The following RAB37 variants were observed in gnomAD, a reference collection of about 807,000 sequenced individuals.
RAB37 encodes the protein ras-related protein Rab-37.
A neutral mutation model predicts 33.1 loss-of-function variants in RAB37; 29 were observed. That is an observed-to-expected ratio of 0.88 (90% CI 0.65 to 1.20). The LOEUF is 1.20. Among genes scored for constraint, RAB37 ranks in the 50% most tolerant of loss-of-function variants. The pLI, the probability that RAB37 is intolerant of heterozygous loss-of-function variation, is 0.00. For synonymous variants in RAB37, 128 were observed against 119.5 expected (o/e 1.07, Z -0.47); for missense variants, 299 against 301.1 (o/e 0.99, Z 0.05).
chr17:74,742,376 G>A lies in RAB37; in HGVS notation c.246+81G>A. 1 of 1,152,208 alleles carries A rather than the reference G, an allele frequency of 8.7e-7. No homozygotes were observed. Among genetic ancestry groups the A allele is most frequent in the Non-Finnish European group, 1.3e-6 (1 of 795,258 alleles). The allele number at this position is 1,152,208 out of a possible 1,614,324, so 71.4% of individuals were successfully genotyped here. The stretch of plus-strand genomic sequence containing the variant: ...CACCCTGAACCACAGGAGGCCTGCA[G>A]CCCTGCCCTCCGCCTGGGGCAATTT... On this transcript the variant is annotated intron_variant, in intron 3 of 8. Transcript: ENST00000392613. This position sits in a 1 kb window ranked among gnomAD's most constrained non-coding sequence, Gnocchi z 4.0.
upstream of RAB37, among the ~76,000 whole-genome samples, chr17:74,735,017 G>GGAAGAAA: frequency 1.1e-5 from 1 of 93,796 alleles, no homozygotes; most frequent in Non-Finnish European, 2.2e-5. Context: ...AAGGAAGGAA[G>GGAAGAAA]GAAGAAAGAA....
chr17:74,687,781 G>A (rs559917959), intron 1 of RAB37, among the ~76,000 whole-genome samples: 1 of 152,118 alleles, frequency 6.6e-6, no homozygotes, highest in South Asian at 2.1e-4. Context: ...GATGGAGCGG[G>A]TCCATGCCTG....
chr17:74,695,333 G>C, intron 1 of RAB37: 1 of 1,533,602 alleles, frequency 6.5e-7, no homozygotes, highest in Non-Finnish European at 8.9e-7. Context: ...GAGGAGGATA[G>C]TGGGGATGGA....
Position 74,683,205 on chromosome 17 carries a change from T to C in RAB37, c.72+11547T>C, listed in dbSNP as rs76420704. On this transcript the variant is annotated intron_variant, in intron 1 of 7. Transcript: ENST00000340415. Reference sequence around the variant, plus strand: ...GTCACCCTATGAAGCGATAGGCTTATTGGGGCTGCAGAGCCAGACCTCCCT... The same window carrying C: ...GTCACCCTATGAAGCGATAGGCTTACTGGGGCTGCAGAGCCAGACCTCCCT... Among the ~76,000 whole-genome samples, 1,103 of 152,326 alleles carry C rather than the reference T, an allele frequency of 7.2e-3. 35 individuals carry two copies. Among genetic ancestry groups the C allele is most frequent in the Admixed American group, 0.058 (890 of 15,300 alleles).
intron 1 of RAB37, among the ~76,000 whole-genome samples, chr17:74,681,135 G>A (rs1242270229): frequency 6.6e-6 from 1 of 152,254 alleles, no homozygotes; most frequent in African/African-American, 2.4e-5. Context: ...GATGGCTCAG[G>A]CCACATCTGA....
chr17:74,689,456 AAAAG>A (rs1030983649), intron 1 of RAB37, among the ~76,000 whole-genome samples: 1 of 152,120 alleles, frequency 6.6e-6, no homozygotes, highest in Non-Finnish European at 1.5e-5. Context: ...AAAAAAAGAA[AAAAG>A]AAAGAAAGAA....
At chr17:74,734,997 AAG>A (rs2034447661), upstream of RAB37, among the ~76,000 whole-genome samples, 1 of 110,440 alleles carries the variant, frequency 9.1e-6, no homozygotes, top group Non-Finnish European at 1.8e-5. Context: ...GAAAGGAAGA[AAG>A]AAAAAGAAAG....
chr17:74,733,616 TGTGA>T (rs2034425470), upstream of RAB37, among the ~76,000 whole-genome samples: 1 of 10,948 alleles, frequency 9.1e-5, no homozygotes, highest in Admixed American at 1.2e-3. Context: ...GGTGCACACG[TGTGA>T]GTGTCTGTGG....
chr17:74,683,044 A>G (rs1230776849), intron 1 of RAB37, among the ~76,000 whole-genome samples: 1 of 152,234 alleles, frequency 6.6e-6, no homozygotes, highest in African/African-American at 2.4e-5. Context: ...TTTAATGAGA[A>G]GTGCCTGAAA....
In RAB37 at chr17:74,692,649, A is replaced by G. The variant is rs148758224; in HGVS notation, c.72+20991A>G. ...CCCAGCCCCTCCCTACAATCCCCCC[A>G]TCCAACAAAAATCAACCTAGATGAA... On this transcript the variant is annotated intron_variant, in intron 1 of 7. Transcript: ENST00000340415. Among the ~76,000 whole-genome samples, 636 of 151,618 alleles carry G rather than the reference A, an allele frequency of 4.2e-3. 7 individuals carry two copies. Among genetic ancestry groups the G allele is most frequent in the East Asian group, 0.018 (95 of 5,142 alleles).
chr17:74,704,743 C>G, intron 1 of RAB37: 1 of 1,614,206 alleles, frequency 6.2e-7, no homozygotes, highest in Non-Finnish European at 8.5e-7. Flanking sequence ...TGTAAACACA[C>G]TGCACGGTCA....
At chr17:74,735,025 GAAAGAAAGAAAGAAAGA>G (rs1567812436), upstream of RAB37, among the ~76,000 whole-genome samples, 1 of 75,298 alleles carries the variant, frequency 1.3e-5, no homozygotes, top group Admixed American at 1.7e-4. Context: ...AAGGAAGAAA[GAAAGAAAGAAAGAAAGA>G]AAGAAAGAAA....
intron 2 of RAB37, among the ~76,000 whole-genome samples, chr17:74,741,153 C>T (rs1402123853): frequency 2.0e-5 from 3 of 152,058 alleles, no homozygotes; most frequent in Non-Finnish European, 2.9e-5. Context: ...GCAGAGCAGC[C>T]GCAGGCACGG....
intron 1 of RAB37, chr17:74,712,745 C>A (rs373467251): frequency 2.7e-6 from 4 of 1,466,522 alleles, no homozygotes; most frequent in African/African-American, 1.4e-5. Flanking sequence ...ACCTTCTGGC[C>A]GGGTCCCTTC....
chr17:74,691,097 TAGCAATCCTCA>T (rs2032149654), intron 1 of RAB37, among the ~76,000 whole-genome samples: 1 of 151,958 alleles, frequency 6.6e-6, no homozygotes, highest in African/African-American at 2.4e-5. Flanking sequence ...TTTGTAGAGA[TAGCAATCCTCA>T]AGCAATCCTC....
At chr17:74,703,280 T>G in intron 1 of RAB37, 1 of 649,726 alleles carries the variant, frequency 1.5e-6, no homozygotes, top group East Asian at 2.9e-5. Context: ...CCTGGACCAC[T>G]CATGTCTCCC....
chr17:74,679,991 A>AAAAG (rs1213099836), intron 1 of RAB37, among the ~76,000 whole-genome samples: 4 of 143,568 alleles, frequency 2.8e-5, no homozygotes, highest in African/African-American at 9.9e-5. Context: ...AAAAAAAAAA[A>AAAAG]AAAGAAAGAA....
At chr17:74,684,862 T>C (rs1020734470) in intron 1 of RAB37, among the ~76,000 whole-genome samples, 8 of 142,782 alleles carry the variant, frequency 5.6e-5, no homozygotes, top group Non-Finnish European at 9.4e-5. Context: ...GTGAGATAGA[T>C]AGATAGATAG....
At position 74,729,033 on chromosome 17, in the gene RAB37, G is replaced by T. The variant is rs369756378; in HGVS notation, c.73-223G>T. Among the ~76,000 whole-genome samples the T allele has an allele frequency of 1.5e-3, 232 of 151,962 alleles. No individual in the cohort carries two copies. The highest frequency in any genetic ancestry group is 5.4e-3 in the African/African-American group (222 of 41,434). On this transcript the variant is annotated intron_variant, in intron 1 of 7. Transcript: ENST00000340415. This position sits in a 1 kb window ranked among gnomAD's most constrained non-coding sequence, Gnocchi z 4.2. ...CTGTGTGTATGTGTGTTCTGTGTGTGCATATATGTTTGTGTGTGCATGGGT... is the reference window on the plus strand; with the variant it reads ...CTGTGTGTATGTGTGTTCTGTGTGTTCATATATGTTTGTGTGTGCATGGGT...
Sources: gnomAD v4.1 joint callset for allele counts (sites outside exome capture counted in the v4.1 genomes callset) on GRCh38, gnomAD v4.1.1 for gene constraint, Gnocchi (gnomAD v3.1) non-coding constraint, MANE v1.5 for transcripts, NCBI Gene and HGNC (gene_info 2026-07-23, HGNC 2026-07-21) for gene names.